KCNB2: variants seen among roughly 807,000 people sequenced by gnomAD.
KCNB2 encodes the protein potassium voltage-gated channel subfamily B member 2, also known as delayed rectifier potassium channel protein.
In KCNB2, 15 loss-of-function variants were observed where a neutral mutation model predicts 61.5. The observed-to-expected ratio is 0.24, with a 90% CI of 0.16 to 0.38. The LOEUF (loss-of-function observed/expected upper bound fraction) is 0.38, where lower values mean the gene tolerates loss of function less well. Ranked by LOEUF, KCNB2 falls within the 10% of genes least tolerant of loss-of-function variation. KCNB2 has a pLI of 1.00. For missense variants in KCNB2, 828 were observed against 1,125.2 expected (o/e 0.74, Z 3.78); for synonymous variants, 457 against 446.0 (o/e 1.02, Z -0.31).
intron 2 of KCNB2, among the ~76,000 whole-genome samples, chr8:72,757,066 C>T (rs1808301937): frequency 6.6e-6 from 1 of 152,028 alleles, no homozygotes; most frequent in South Asian, 2.1e-4. Context: ...ATGAGATTAT[C>T]TTAGGAGAGC....
intron 2 of KCNB2, among the ~76,000 whole-genome samples, chr8:72,805,131 G>A (rs920360330): frequency 6.6e-5 from 10 of 152,200 alleles, no homozygotes; most frequent in East Asian, 5.8e-4. Flanking sequence ...GATCATGTGC[G>A]TTCATACACA....
chr8:72,815,579 A>AAATG (rs992158887), intron 2 of KCNB2, among the ~76,000 whole-genome samples: 8 of 152,216 alleles, frequency 5.3e-5, no homozygotes, highest in African/African-American at 1.9e-4. Context: ...TTTGCTGAAT[A>AAATG]AATGAATGAA....
intron 2 of KCNB2, among the ~76,000 whole-genome samples, chr8:72,679,395 G>A (rs1331094685): frequency 6.6e-6 from 1 of 152,132 alleles, no homozygotes; most frequent in Non-Finnish European, 1.5e-5. Flanking sequence ...TTCATCACAT[G>A]ATAATGAGAT....
intron 2 of KCNB2, among the ~76,000 whole-genome samples, chr8:72,870,702 C>T (rs1259529426): frequency 1.3e-5 from 2 of 152,142 alleles, no homozygotes; most frequent in Non-Finnish European, 2.9e-5. Context: ...AAATACTTTG[C>T]CTACTGCCTG....
chr8:72,925,896 C>A (rs897113817), intron 2 of KCNB2, among the ~76,000 whole-genome samples: 1 of 152,100 alleles, frequency 6.6e-6, no homozygotes, highest in Non-Finnish European at 1.5e-5. Flanking sequence ...ACATATACAC[C>A]ATGGAATACT....
At chr8:72,742,618 A>T (rs867678115) in intron 2 of KCNB2, among the ~76,000 whole-genome samples, 1 of 152,098 alleles carries the variant, frequency 6.6e-6, no homozygotes, top group Non-Finnish European at 1.5e-5. Context: ...ACCACAAATA[A>T]TGTGGTGATC....
At chr8:72,761,125 A>T (rs981648217) in intron 2 of KCNB2, among the ~76,000 whole-genome samples, 1 of 152,140 alleles carries the variant, frequency 6.6e-6, no homozygotes, top group Admixed American at 6.5e-5. Context: ...AGTTTAGCCT[A>T]TGGGTTTAGG....
At chr8:72,597,969 C>T (rs908673385) in intron 2 of KCNB2, among the ~76,000 whole-genome samples, 1 of 152,122 alleles carries the variant, frequency 6.6e-6, no homozygotes, top group Non-Finnish European at 1.5e-5. Context: ...CCAGCAATCC[C>T]ATTACTTGAT....
intron 2 of KCNB2, among the ~76,000 whole-genome samples, chr8:72,733,388 T>C (rs773606121): frequency 3.0e-4 from 45 of 152,248 alleles, no homozygotes; most frequent in Non-Finnish European, 5.7e-4. Flanking sequence ...AACCAGGACA[T>C]GCAATGAGTC....
intron 2 of KCNB2, among the ~76,000 whole-genome samples, chr8:72,870,273 G>A (rs959560554): frequency 3.9e-5 from 6 of 152,152 alleles, no homozygotes; most frequent in Non-Finnish European, 7.4e-5. Context: ...TGTGTACAAC[G>A]TGGTGCCTAT....
chr8:72,664,359 C>G (rs1364976055), intron 2 of KCNB2, among the ~76,000 whole-genome samples: 1 of 152,208 alleles, frequency 6.6e-6, no homozygotes, highest in Non-Finnish European at 1.5e-5. Context: ...TTCAAGCCAG[C>G]ATGCATTTCT....
intron 2 of KCNB2, among the ~76,000 whole-genome samples, chr8:72,745,618 C>T (rs773959345): frequency 6.6e-5 from 10 of 152,120 alleles, no homozygotes; most frequent in Non-Finnish European, 1.0e-4. Flanking sequence ...CAGTATGCAG[C>T]GATTTGCCAA....
intron 2 of KCNB2, chr8:72,750,261 G>A (rs544766425): frequency 1.3e-5 from 2 of 152,172 alleles, no homozygotes; most frequent in East Asian, 3.9e-4. Flanking sequence ...CTCTTATGTG[G>A]ACATCACAAT....
intron 2 of KCNB2, among the ~76,000 whole-genome samples, chr8:72,817,114 G>A (rs1009540651): frequency 6.6e-6 from 1 of 152,174 alleles, no homozygotes; most frequent in Non-Finnish European, 1.5e-5. Flanking sequence ...GGCCAGGAGG[G>A]TAGGGGGGCA....
intron 2 of KCNB2, among the ~76,000 whole-genome samples, chr8:72,622,243 G>A (rs1805724778): frequency 6.6e-6 from 1 of 152,120 alleles, no homozygotes; most frequent in African/African-American, 2.4e-5. Flanking sequence ...GTTTCAATAG[G>A]TTATAGACAT....
intron 2 of KCNB2, among the ~76,000 whole-genome samples, chr8:72,608,931 G>A (rs1369891728): frequency 6.6e-6 from 1 of 152,140 alleles, no homozygotes; most frequent in Non-Finnish European, 1.5e-5. Flanking sequence ...GAGTTAAGAT[G>A]TTCAAACAAG....
At chr8:72,839,866 G>A (rs1171991698) in intron 2 of KCNB2, among the ~76,000 whole-genome samples, 5 of 151,436 alleles carry the variant, frequency 3.3e-5, no homozygotes, top group African/African-American at 4.9e-5. Flanking sequence ...ACCCGCCTCC[G>A]CCTCCCAAAG....
At chr8:72,757,576 G>A (rs947799081) in intron 2 of KCNB2, among the ~76,000 whole-genome samples, 5 of 152,140 alleles carry the variant, frequency 3.3e-5, no homozygotes, top group Non-Finnish European at 5.9e-5. Flanking sequence ...GTGGGAGGGA[G>A]GGATAGGTAT....
chr8:72,868,075 A>T (rs866516368), intron 2 of KCNB2, among the ~76,000 whole-genome samples: 1,789 of 135,376 alleles, frequency 0.013, 40 homozygotes, highest in African/African-American at 0.044. Flanking sequence ...TTTATTATTT[A>T]TTTTTTTTTT....
Sources: gnomAD v4.1 joint callset for allele counts (sites outside exome capture counted in the v4.1 genomes callset) on GRCh38, gnomAD v4.1.1 for gene constraint, MANE v1.5 for transcripts, NCBI Gene and HGNC (gene_info 2026-07-23, HGNC 2026-07-21) for gene names.